Variants in ROBO2 observed in about 807,000 individuals in gnomAD.
ROBO2 encodes the protein roundabout guidance receptor 2, also known as roundabout homolog 2.
In ROBO2, 53 loss-of-function variants were observed where a neutral mutation model predicts 160.8. The ratio of observed to expected loss-of-function variants is 0.33; its 90% confidence interval spans 0.26 to 0.41. The LOEUF is 0.41. Ranked by LOEUF, ROBO2 falls within the 10% of genes least tolerant of loss-of-function variation. The pLI, the probability that ROBO2 is intolerant of heterozygous loss-of-function variation, is 1.00. For synonymous variants in ROBO2, 664 were observed against 611.7 expected, an observed-to-expected ratio of 1.09 and a Z score of -1.26; for missense variants, 1,577 against 1,722.4, an observed-to-expected ratio of 0.92 and a Z score of 1.49.
intron 2 of ROBO2, among the ~76,000 whole-genome samples, chr3:75,963,419 A>AC (rs1183421435): frequency 6.6e-6 from 1 of 151,742 alleles, no homozygotes; most frequent in Non-Finnish European, 1.5e-5. Flanking sequence ...CTGGTCTTGA[A>AC]CTTCCAGCCT....
chr3:77,467,752 TAA>T (rs202064794), intron 2 of ROBO2, among the ~76,000 whole-genome samples: 1 of 142,332 alleles, frequency 7.0e-6, no homozygotes, highest in Non-Finnish European at 1.5e-5. Context: ...AGCACTAATA[TAA>T]AAAAAAAAAA....
chr3:76,849,739 A>G (rs1182387424), intron 2 of ROBO2, among the ~76,000 whole-genome samples: 2 of 152,222 alleles, frequency 1.3e-5, no homozygotes, highest in Non-Finnish European at 2.9e-5. Context: ...AGAAGCAGGT[A>G]GTGGGCACTC....
intron 2 of ROBO2, among the ~76,000 whole-genome samples, chr3:76,481,220 A>G (rs922462347): frequency 4.6e-5 from 7 of 152,174 alleles, no homozygotes; most frequent in Admixed American, 3.9e-4. Context: ...ATTAGTATGT[A>G]TTAGTTTAAG....
intron 2 of ROBO2, among the ~76,000 whole-genome samples, chr3:76,186,886 G>A (rs560789194): frequency 1.3e-5 from 2 of 152,042 alleles, no homozygotes; most frequent in African/African-American, 4.8e-5. Flanking sequence ...CATCTCATTC[G>A]ACTTCTCAGT....
intron 2 of ROBO2, among the ~76,000 whole-genome samples, chr3:76,015,478 A>G (rs73841070): frequency 6.6e-6 from 1 of 152,256 alleles, no homozygotes; most frequent in Non-Finnish European, 1.5e-5. Flanking sequence ...AGAATTTGTG[A>G]CTTTTAAACT....
chr3:77,211,293 C>A (rs62251851), intron 2 of ROBO2, among the ~76,000 whole-genome samples: 4,502 of 152,178 alleles, frequency 0.03, 75 homozygotes, highest in Middle Eastern at 0.054. Context: ...AACTGGTGTG[C>A]GATGGTATCT....
At chr3:76,015,085 C>A (rs2066368004) in intron 2 of ROBO2, among the ~76,000 whole-genome samples, 1 of 152,152 alleles carries the variant, frequency 6.6e-6, no homozygotes, top group Non-Finnish European at 1.5e-5. Context: ...GTCTTCGGCT[C>A]CTTTTCCTGT....
intron 2 of ROBO2, among the ~76,000 whole-genome samples, chr3:76,608,472 C>A (rs1234803688): frequency 6.6e-6 from 1 of 152,092 alleles, no homozygotes; most frequent in Non-Finnish European, 1.5e-5. Context: ...TTTTGCTCAC[C>A]CACTCCTAAG....
intron 2 of ROBO2, among the ~76,000 whole-genome samples, chr3:77,387,920 G>A (rs528752371): frequency 2.0e-5 from 3 of 152,086 alleles, no homozygotes; most frequent in South Asian, 2.1e-4. Context: ...TATCGAAGCC[G>A]TCTAAATCAT....
rs2065529202 is a variant in ROBO2 at position 75,990,259 on chromosome 3, C to T, written c.109+52657C>T. Among the ~76,000 whole-genome samples, 3 of 152,152 alleles carry T rather than the reference C, an allele frequency of 2.0e-5. 1 individual carries two copies. Among genetic ancestry groups the T allele is most frequent in the Admixed American group, 1.3e-4 (2 of 15,276 alleles). On this transcript the variant is annotated intron_variant, in intron 2 of 26. Transcript: ENST00000487694. The stretch of plus-strand genomic sequence containing the variant: ...AATACTTTGGTTTATCCCTTGATCA[C>T]ATAATTTCCTGAAAACTCCACTTAA...
At chr3:76,973,555 C>T (rs1419367180) in intron 2 of ROBO2, among the ~76,000 whole-genome samples, 1 of 151,992 alleles carries the variant, frequency 6.6e-6, no homozygotes, top group African/African-American at 2.4e-5. Context: ...AATCCAACAT[C>T]TTATACCTTA....
chr3:76,240,647 T>C (rs1468229289), intron 2 of ROBO2, among the ~76,000 whole-genome samples: 1 of 152,170 alleles, frequency 6.6e-6, no homozygotes, highest in Non-Finnish European at 1.5e-5. Context: ...AGGCATTGCA[T>C]TGGAAAACAG....
chr3:76,106,196 C>G lies in ROBO2; in HGVS notation c.109+168594C>G, dbSNP rs573518434. ...TGTAGAGATGCTGACAAAATTCTGT[C>G]ATATGTGGCTTATTTTTGTCTGGCT... On this transcript the variant is annotated intron_variant, in intron 2 of 26. Transcript: ENST00000487694. Among the ~76,000 whole-genome samples, 8 of 152,156 alleles carry G rather than the reference C, an allele frequency of 5.3e-5. No homozygotes were observed. The South Asian group carries it at 1.2e-3, about 24-fold the overall frequency.
chr3:76,500,897 AT>A (rs898262993), intron 2 of ROBO2, among the ~76,000 whole-genome samples: 1 of 152,140 alleles, frequency 6.6e-6, no homozygotes, highest in African/African-American at 2.4e-5. Flanking sequence ...AAGAAATGCT[AT>A]TTTTTAGGGG....
At chr3:76,758,843 C>T (rs1282866188) in intron 2 of ROBO2, among the ~76,000 whole-genome samples, 1 of 151,808 alleles carries the variant, frequency 6.6e-6, no homozygotes, top group Non-Finnish European at 1.5e-5. Flanking sequence ...TATATAAATA[C>T]ATGGTCTTTG....
intron 2 of ROBO2, among the ~76,000 whole-genome samples, chr3:77,373,173 T>C (rs2072060135): frequency 2.0e-5 from 3 of 147,324 alleles, no homozygotes; most frequent in Non-Finnish European, 3.0e-5. Flanking sequence ...TAAAATTATA[T>C]AAAATATTAT....
chr3:77,615,314 T>G (rs754779665), intron 21 of ROBO2, among the ~76,000 whole-genome samples: 5 of 152,172 alleles, frequency 3.3e-5, no homozygotes, highest in Non-Finnish European at 7.4e-5. Context: ...GTGGTACATT[T>G]GTTACAATTG....
intron 2 of ROBO2, among the ~76,000 whole-genome samples, chr3:76,981,982 T>C (rs1207856923): frequency 6.6e-6 from 1 of 152,138 alleles, no homozygotes; most frequent in Non-Finnish European, 1.5e-5. Context: ...CCAGGTGCCA[T>C]CTCCAGCATT....
At chr3:77,237,845 A>G (rs937889418) in intron 2 of ROBO2, among the ~76,000 whole-genome samples, 2 of 152,240 alleles carry the variant, frequency 1.3e-5, no homozygotes, top group East Asian at 1.9e-4. Flanking sequence ...GTACCATTTT[A>G]TCTTCTCCCC....
Sources: gnomAD v4.1 joint callset for allele counts (sites outside exome capture counted in the v4.1 genomes callset) on GRCh38, gnomAD v4.1.1 for gene constraint, MANE v1.5 for transcripts, NCBI Gene and HGNC (gene_info 2026-07-23, HGNC 2026-07-21) for gene names.